ASB10: variants seen among roughly 807,000 people sequenced by gnomAD.
ASB10 encodes the protein ankyrin repeat and SOCS box containing 10, also known as ankyrin repeat and SOCS box protein 10.
A neutral mutation model predicts 35.4 loss-of-function variants in ASB10; 44 were observed. The observed-to-expected ratio is 1.24, with a 90% CI of 0.98 to 1.60. The LOEUF (loss-of-function observed/expected upper bound fraction) is 1.60. ASB10 is among the 40% of genes most tolerant of loss of function. The pLI is 0.00. For missense variants in ASB10, 647 were observed against 634.3 expected (o/e 1.02, Z -0.22); for synonymous variants, 294 against 280.4 (o/e 1.05, Z -0.49).
At chr7:151,179,988 C>T (rs1801455616) in intron 3 of ASB10, among the ~76,000 whole-genome samples, 1 of 152,226 alleles carries the variant, frequency 6.6e-6, no homozygotes, top group Non-Finnish European at 1.5e-5. Flanking sequence ...CTTAGGAATC[C>T]AGACAGATGC....
At chr7:151,177,443 T>A (rs1298506642) in intron 3 of ASB10, among the ~76,000 whole-genome samples, 1 of 152,252 alleles carries the variant, frequency 6.6e-6, no homozygotes, top group Non-Finnish European at 1.5e-5. Flanking sequence ...CACACCACCA[T>A]CCTGCTCTCC....
At chr7:151,187,356 C>T (rs1427788306), upstream of ASB10, 109 of 1,534,622 alleles carry the variant, frequency 7.1e-5, no homozygotes, top group Non-Finnish European at 8.9e-5. This position sits in a 1 kb window ranked among gnomAD's most constrained non-coding sequence, Gnocchi z 5.3. Context: ...GAGAAACAGC[C>T]GGGGGCTTCT....
chr7:151,186,686 A>G (rs1385947032), intron 1 of ASB10, 27 bp from the exon 2 acceptor site: 1 of 1,581,630 alleles, frequency 6.3e-7, no homozygotes, highest in African/African-American at 1.3e-5. Context: ...TGGGCCTCAG[A>G]TCCCCAGGGA....
intron 2 of ASB10, among the ~76,000 whole-genome samples, chr7:151,184,980 C>A (rs1430299900): frequency 1.3e-5 from 2 of 151,878 alleles, no homozygotes; most frequent in African/African-American, 4.8e-5. Context: ...CGAGATCGCA[C>A]CACTGCACTC....
At position 151,185,276 on chromosome 7, in the gene ASB10, A is replaced by G. The variant is rs542601770; in HGVS notation, c.584+1116T>C. Among the ~76,000 whole-genome samples, 5 of 150,822 alleles carry G rather than the reference A, an allele frequency of 3.3e-5. No homozygotes were observed. The East Asian group carries it at 5.9e-4, about 18-fold the overall frequency. On this transcript the variant is annotated intron_variant, in intron 2 of 5. Transcript: ENST00000420175. ...TGGGATTACAGGCGCCTGCCACCAC[A>G]CCCAGCTAATTTTTGTATTTTTAGT...
chr7:151,183,202 G>A (rs1255826551), intron 2 of ASB10, among the ~76,000 whole-genome samples: 2 of 152,158 alleles, frequency 1.3e-5, no homozygotes, highest in Non-Finnish European at 2.9e-5. Context: ...CTTTAGCCCA[G>A]GAGTTCAAGA....
chr7:151,180,885 G>C lies in ASB10; in HGVS notation c.1104+54C>G, dbSNP rs1028652189. On this transcript the variant is annotated intron_variant, in intron 3 of 5. Coordinates refer to ENST00000420175, the MANE Select transcript of ASB10 (RefSeq NM_001142459.2). ...CAAAGCAAACCGGAGCACAGGCCCAGGTCTCCCTGTCCCCTCACCATGGTG... is the reference window on the plus strand; with the variant it reads ...CAAAGCAAACCGGAGCACAGGCCCACGTCTCCCTGTCCCCTCACCATGGTG... 96 of 1,435,516 alleles carry C rather than the reference G, an allele frequency of 6.7e-5. No homozygotes were observed. The African/African-American group carries it at 1.3e-3, about 20-fold the overall frequency. The allele number at this position is 1,435,516 out of a possible 1,614,324, so 88.9% of individuals were successfully genotyped here.
intron 4 of ASB10, 113 bp downstream of exon 4, chr7:151,176,450 C>T (rs915667502): frequency 1.4e-6 from 2 of 1,466,536 alleles, no homozygotes; most frequent in African/African-American, 2.8e-5. Context: ...CAAGTTCTCT[C>T]TTCTGGGACA....
chr7:151,180,383 T>G (rs927870792), intron 3 of ASB10, among the ~76,000 whole-genome samples: 3 of 152,180 alleles, frequency 2.0e-5, no homozygotes, highest in African/African-American at 4.8e-5. Flanking sequence ...TCCTATTAGA[T>G]TCTCAGAAAG....
chr7:151,182,020 C>T (rs1584815443), intron 2 of ASB10, among the ~76,000 whole-genome samples: 1 of 152,336 alleles, frequency 6.6e-6, no homozygotes, highest in South Asian at 2.1e-4. Context: ...TTAGAACAGG[C>T]GCCTGCTAAG....
chr7:151,187,213 G>C lies in ASB10; in HGVS notation c.-83C>G. 2 of 1,542,456 alleles carry C rather than the reference G, an allele frequency of 1.3e-6. No homozygotes were observed. Among genetic ancestry groups the C allele is most frequent in the South Asian group, 2.4e-5 (2 of 81,852 alleles). On this transcript the variant is annotated 5_prime_UTR_variant, in exon 1 of 6. Transcript: ENST00000420175. This position sits in a 1 kb window ranked among gnomAD's most constrained non-coding sequence, Gnocchi z 5.3. ...AGAGAGAGAGCAGGAGGGAAATACA[G>C]ACAGACAGAAGGCCCCTGTGTCCCA...
chr7:151,176,149 C>T lies in ASB10; in HGVS notation c.1367G>A (p.Arg456His), dbSNP rs376633217. ...PRLPLPPRLL[R>H]YLQLDFEGVL... ...GCCCTCAAAATCCAGCTGCAGGTAG[C>T]GGAGCAGGCGCGGTGGCAGGGGGAG... The change falls in exon 5 of 6, where the codon CGC (arginine) becomes CAC (histidine). Residue 456 changes from arginine to histidine, a missense_variant. Coordinates refer to ENST00000420175, the MANE Select transcript of ASB10 (RefSeq NM_001142459.2). The T allele has an allele frequency of 6.2e-7, 1 of 1,611,824 alleles. No homozygotes were observed. Among genetic ancestry groups the T allele is most frequent in the Admixed American group, 1.7e-5 (1 of 60,006 alleles).
At position 151,186,411 on chromosome 7, in the gene ASB10, G is replaced by T; in HGVS notation, c.565C>A (p.Arg189=). 1 of 1,587,348 alleles carries T rather than the reference G, an allele frequency of 6.3e-7. No individual in the cohort carries two copies. Among genetic ancestry groups the T allele is most frequent in the Admixed American group, 1.8e-5 (1 of 56,142 alleles). Residue 189 remains arginine (R), a synonymous_variant, in exon 2 of 6, where the codon CGG becomes AGG. Coordinates refer to ENST00000420175, the MANE Select transcript of ASB10 (RefSeq NM_001142459.2). ...ACTCACTCAAGGGTGCCAGGCCCCC[G>T]GCAGAGATGCAGGGGGCGTTTCCCA... is the stretch of plus-strand genomic sequence containing the variant. The part of the protein sequence containing the change: ...QDGKRPLHLC[R]GPGTLECAEL...
Position 151,176,623 on chromosome 7 carries a change from G to A in ASB10, c.1158C>T (p.Thr386=). ...CCTCGGGAAGCTGCACAACACTGTAGGTGTTCATCAGGACCTCGATGGTCC... is the reference window on the plus strand; with the variant it reads ...CCTCGGGAAGCTGCACAACACTGTAAGTGTTCATCAGGACCTCGATGGTCC... ...CPRTIEVLMN[T]YSVVQLPEEA... is the part of the protein sequence containing the mutation. The change falls in exon 4 of 6, where the codon ACC becomes ACT. Residue 386 remains threonine (T), a synonymous_variant. Coordinates refer to ENST00000420175, the MANE Select transcript of ASB10 (RefSeq NM_001142459.2). The A allele has an allele frequency of 3.2e-6, 5 of 1,551,494 alleles. No individual in the cohort carries two copies. The highest frequency in any genetic ancestry group is 4.4e-6 in the Non-Finnish European group (5 of 1,146,988).
intron 5 of ASB10, 27 bp from the exon 6 acceptor site, chr7:151,175,993 G>A (rs534918152): frequency 4.0e-6 from 5 of 1,249,054 alleles, no homozygotes; most frequent in Middle Eastern, 2.8e-4. Context: ...GGATTCAGAG[G>A]CTTCTGGTGG....
Position 151,186,980 on chromosome 7 carries a change from C to A in ASB10, c.151G>T (p.Ala51Ser), listed in dbSNP as rs764682358. The A allele has an allele frequency of 6.2e-7, 1 of 1,613,364 alleles. No homozygotes were observed. Among genetic ancestry groups the A allele is most frequent in the South Asian group, 1.1e-5 (1 of 90,992 alleles). ...CAGAAGGCAAGGGCAGGTCCTGAGG[C>A]TGTGCGGGTGACGATGGGTCCCGGG... ...SGPGPIVTRTASGPALAFWQA... is the reference protein window; with the variant it reads ...SGPGPIVTRTSSGPALAFWQA... The change falls in exon 1 of 6, where the codon GCC (alanine) becomes TCC (serine). Residue 51 changes from alanine to serine, a missense_variant. Transcript: ENST00000420175.
chr7:151,180,377 A>G (rs549242648), intron 3 of ASB10, among the ~76,000 whole-genome samples: 80 of 152,310 alleles, frequency 5.3e-4, no homozygotes, highest in African/African-American at 1.9e-3. Context: ...TGTGGGTCCT[A>G]TTAGATTCTC....
At chr7:151,178,938 G>A (rs1801437872) in intron 3 of ASB10, among the ~76,000 whole-genome samples, 1 of 152,056 alleles carries the variant, frequency 6.6e-6, no homozygotes, top group South Asian at 2.1e-4. Context: ...CTCTGCACTG[G>A]GCTCAAGTAG....
chr7:151,184,318 C>A (rs951615825), intron 2 of ASB10, among the ~76,000 whole-genome samples: 1 of 151,050 alleles, frequency 6.6e-6, no homozygotes, highest in South Asian at 2.1e-4. Flanking sequence ...GAGGCTGAGG[C>A]GGGAGAATGG....
Sources: allele counts gnomAD v4.1 joint callset (sites outside exome capture counted in the v4.1 genomes callset), GRCh38; gene constraint gnomAD v4.1.1; non-coding constraint Gnocchi (gnomAD v3.1); transcripts MANE v1.5; gene names NCBI Gene and HGNC (gene_info 2026-07-23, HGNC 2026-07-21).